The following ADAMTS20 variants were observed in gnomAD, a reference collection of about 807,000 sequenced individuals.
ADAMTS20 encodes the protein A disintegrin and metalloproteinase with thrombospondin motifs 20.
Under a neutral mutation model 260.1 loss-of-function variants are expected in ADAMTS20, and 225 were observed. The ratio of observed to expected loss-of-function variants is 0.87; its 90% CI spans 0.78 to 0.97. ADAMTS20 has a LOEUF of 0.97. ADAMTS20 is among the 50% of genes least tolerant of loss of function. The pLI is 0.00. For synonymous variants in ADAMTS20, 802 were observed against 769.5 expected, an observed-to-expected ratio of 1.04 and a Z score of -0.70; for missense variants, 2,400 against 2,337.7, an observed-to-expected ratio of 1.03 and a Z score of -0.55.
rs137930215 is a variant in ADAMTS20 at position 43,393,400 on chromosome 12, T to C, written c.4452+5666A>G. On this transcript the variant is annotated intron_variant, in intron 29 of 38. Coordinates refer to ENST00000389420, the MANE Select transcript of ADAMTS20 (RefSeq NM_025003.5). ...TAACTCAATCCAGACAGTTCATAAATATCCTATTTATGAAAAAATATAACA... is the reference window on the plus strand; with the variant it reads ...TAACTCAATCCAGACAGTTCATAAACATCCTATTTATGAAAAAATATAACA... Among the ~76,000 whole-genome samples, 593 of 152,140 alleles carry C rather than the reference T, an allele frequency of 3.9e-3. 2 individuals are homozygous for C. The highest frequency in any genetic ancestry group is 5.7e-3 in the Non-Finnish European group (389 of 67,918).
chr12:43,471,684 C>T (rs1315460004), intron 7 of ADAMTS20, among the ~76,000 whole-genome samples: 7 of 139,842 alleles, frequency 5.0e-5, no homozygotes, highest in South Asian at 2.5e-4. Context: ...GACCCCTGAC[C>T]CCCGAGCAGC....
chr12:43,466,672 T>C lies in ADAMTS20; in HGVS notation c.1347A>G (p.Lys449=). 2 of 1,609,334 alleles carry C rather than the reference T, an allele frequency of 1.2e-6. No homozygotes were observed. Among genetic ancestry groups the C allele is most frequent in the South Asian group, 2.2e-5 (2 of 89,722 alleles). ...CTTACTCTAGGAATTCAGTAACATA[T>C]TTCCGACTACAGTTTGACCAGCTCC... is the stretch of plus-strand genomic sequence containing the variant. ...SPWSWSNCSR[K]YVTEFLDTGY... Residue 449 remains lysine, a synonymous_variant, in exon 9 of 39, where the codon AAA becomes AAG. Transcript: ENST00000389420.
rs1267781941 is a variant in ADAMTS20 at position 43,356,510 on chromosome 12, T to C, written c.5617A>G (p.Thr1873Ala). The C allele has an allele frequency of 1.9e-6, 3 of 1,609,364 alleles. No homozygotes were observed. The highest frequency in any genetic ancestry group is 1.3e-5 in the African/African-American group (1 of 74,866). The change falls in exon 38 of 39, where the codon ACC becomes GCC. Residue 1873 changes from threonine to alanine, a missense_variant. Thr to Ala is a moderately conservative substitution (Grantham distance 58). Coordinates refer to ENST00000389420, the MANE Select transcript of ADAMTS20 (RefSeq NM_025003.5). ...TCTGATCTTCGTATGCTGACAGAGG[T>C]ATAACTCCCCTGAGTGAGCCACTTT... ...TAKWLTQGSY[T>A]SVSIRRSEDG...
At chr12:43,423,829 A>G (rs1941279635) in intron 28 of ADAMTS20, 1 of 709,944 alleles carries the variant, frequency 1.4e-6, no homozygotes, top group Non-Finnish European at 2.6e-6. Context: ...CATTTATTAA[A>G]TACATATGTG....
At chr12:43,548,401 A>G (rs1278491008) in intron 2 of ADAMTS20, among the ~76,000 whole-genome samples, 1 of 152,180 alleles carries the variant, frequency 6.6e-6, no homozygotes, top group Non-Finnish European at 1.5e-5. Context: ...ATCAACATTG[A>G]TCTGCAAACA....
intron 16 of ADAMTS20, among the ~76,000 whole-genome samples, chr12:43,441,725 T>C (rs1039776471): frequency 5.3e-5 from 8 of 152,214 alleles, no homozygotes; most frequent in Non-Finnish European, 1.0e-4. Flanking sequence ...AGTTATACTT[T>C]TCAATGGAAT....
chr12:43,487,971 A>G (rs1592094229), intron 7 of ADAMTS20, among the ~76,000 whole-genome samples: 1 of 152,324 alleles, frequency 6.6e-6, no homozygotes, highest in East Asian at 1.9e-4. Context: ...GAGAGGAATT[A>G]TTCAATGTAT....
intron 3 of ADAMTS20, among the ~76,000 whole-genome samples, chr12:43,509,930 A>C (rs1333857970): frequency 6.6e-6 from 1 of 152,174 alleles, no homozygotes; most frequent in Non-Finnish European, 1.5e-5. Context: ...TGAAATAAAC[A>C]GTATGAATAT....
At position 43,425,560 on chromosome 12, in the gene ADAMTS20, T is replaced by C. The variant is rs2137295868; in HGVS notation, c.4238A>G (p.His1413Arg). Reference protein sequence around the residue: ...KPPSVIQCHMHACPADVSWHQ... With the variant: ...KPPSVIQCHMRACPADVSWHQ... ...CCATGACACATCAGCAGGGCAAGCA[T>C]GCATATGACACTGTATTACGCTAGG... Residue 1413 changes from histidine to arginine, a missense_variant, in exon 28 of 39, where the codon CAT becomes CGT. By Grantham distance (29) the His-to-Arg change is conservative. Coordinates refer to ENST00000389420, the MANE Select transcript of ADAMTS20 (RefSeq NM_025003.5). 1.9e-6 allele frequency: 3 copies of C among 1,590,464 alleles called. No homozygotes were observed. Among genetic ancestry groups the C allele is most frequent in the Middle Eastern group, 1.7e-4 (1 of 5,978 alleles).
chr12:43,420,800 C>CT (rs747496684), intron 28 of ADAMTS20, among the ~76,000 whole-genome samples: 1,064 of 55,466 alleles, frequency 0.019, 137 homozygotes, highest in Non-Finnish European at 0.02. Context: ...CCTCCTCCTT[C>CT]TTTTTTTTTT....
chr12:43,497,477 TCTTTA>T (rs1307133954), intron 4 of ADAMTS20, among the ~76,000 whole-genome samples: 7 of 152,176 alleles, frequency 4.6e-5, no homozygotes, highest in Admixed American at 6.5e-5. Flanking sequence ...AGATCATTAC[TCTTTA>T]CTTCTTTGGA....
intron 29 of ADAMTS20, among the ~76,000 whole-genome samples, chr12:43,395,110 A>G (rs1280292097): frequency 6.6e-6 from 1 of 152,154 alleles, no homozygotes; most frequent in African/African-American, 2.4e-5. Flanking sequence ...AGGAGCATTA[A>G]CAGATAGCAC....
intron 3 of ADAMTS20, among the ~76,000 whole-genome samples, chr12:43,514,811 G>A (rs10880516): frequency 0.19 from 29,449 of 152,034 alleles, 3,169 homozygotes; most frequent in South Asian, 0.32. Context: ...ATTTGAACAT[G>A]TAAATGAAAT....
rs770836255 is a variant in ADAMTS20 at position 43,551,818 on chromosome 12, G to T, written c.91+13C>A. Reference sequence around the variant, plus strand: ...CCCACTTAGCCGCTGAAGGCGTCTCGCGGTGACTTTACCTTGCCTGGGGTG... The same window carrying T: ...CCCACTTAGCCGCTGAAGGCGTCTCTCGGTGACTTTACCTTGCCTGGGGTG... On this transcript the variant is annotated intron_variant, in intron 1 of 38. Transcript: ENST00000389420. This position sits in a 1 kb window ranked among gnomAD's most constrained non-coding sequence, Gnocchi z 4.6. 9 of 1,612,606 alleles carry T rather than the reference G, an allele frequency of 5.6e-6. No individual in the cohort carries two copies. The African/African-American group carries it at 1.2e-4, about 22-fold the overall frequency.
At position 43,532,194 on chromosome 12, in the gene ADAMTS20, G is replaced by A. The variant is rs141043529; in HGVS notation, c.455C>T (p.Thr152Met). ...ACCGTTCTGTCCTTTAAATGTTCCCGTCTGAAAATAAAGGAAACAAAAATG... is the reference window on the plus strand; with the variant it reads ...ACCGTTCTGTCCTTTAAATGTTCCCATCTGAAAATAAAGGAAACAAAAATG... ...KAVVSLCGGLTGTFKGQNGEY... is the reference protein window; with the variant it reads ...KAVVSLCGGLMGTFKGQNGEY... The change falls in exon 3 of 39, where the codon ACG becomes ATG. Residue 152 changes from threonine to methionine, a missense_variant and splice_region_variant. Thr to Met is a moderately conservative substitution (Grantham distance 81). Coordinates refer to ENST00000389420, the MANE Select transcript of ADAMTS20 (RefSeq NM_025003.5). 32 of 1,588,454 alleles carry A rather than the reference G, an allele frequency of 2.0e-5. No homozygotes were observed. Among genetic ancestry groups the A allele is most frequent in the African/African-American group, 5.4e-5 (4 of 73,612 alleles).
chr12:43,454,120 T>C (rs1941922015), intron 11 of ADAMTS20, 68 bp from the exon 12 acceptor site: 6 of 1,535,010 alleles, frequency 3.9e-6, no homozygotes, highest in African/African-American at 1.4e-5. Flanking sequence ...AAAATTATAA[T>C]AGCAGCATAA....
Position 43,551,383 on chromosome 12 carries a change from G to C in ADAMTS20, c.92-113C>G. On this transcript the variant is annotated intron_variant, in intron 1 of 38. Transcript: ENST00000389420. The surrounding 1 kb of genome is among the most constrained non-coding windows in gnomAD (Gnocchi z 4.6). Reference sequence around the variant, plus strand: ...GGTCCCAGGTCCCAGTACAGCCAGGGGCAAGACAAATGCACACATGCTGAT... The same window carrying C: ...GGTCCCAGGTCCCAGTACAGCCAGGCGCAAGACAAATGCACACATGCTGAT... 6.9e-7 allele frequency: 1 copy of C among 1,441,948 alleles called. No homozygotes were observed. The highest frequency in any genetic ancestry group is 1.4e-5 in the South Asian group (1 of 70,976). The allele number at this position is 1,441,948 out of a possible 1,614,324, so 89.3% of individuals were successfully genotyped here.
intron 2 of ADAMTS20, among the ~76,000 whole-genome samples, chr12:43,541,547 C>T (rs1200282489): frequency 1.3e-5 from 2 of 152,076 alleles, no homozygotes; most frequent in African/African-American, 2.4e-5. Flanking sequence ...TCGAAGACCA[C>T]AAATATGAAC....
chr12:43,537,262 C>T (rs959389486), intron 2 of ADAMTS20, among the ~76,000 whole-genome samples: 1 of 151,574 alleles, frequency 6.6e-6, no homozygotes, highest in South Asian at 2.1e-4. Flanking sequence ...ACTATGTTGC[C>T]CAGGCTGGTC....
Sources: allele counts gnomAD v4.1 joint callset (sites outside exome capture counted in the v4.1 genomes callset), GRCh38; gene constraint gnomAD v4.1.1; non-coding constraint Gnocchi (gnomAD v3.1); transcripts MANE v1.5; gene names NCBI Gene and HGNC (gene_info 2026-07-23, HGNC 2026-07-21).